The following SLC1A2 variants were observed in gnomAD, a reference collection of about 807,000 sequenced individuals.
The protein encoded by SLC1A2 is excitatory amino acid transporter 2.
Under a neutral mutation model 48.8 loss-of-function variants are expected in SLC1A2, and 15 were observed. The observed-to-expected ratio is 0.31, with a 90% CI of 0.21 to 0.47. The LOEUF is 0.47. Among genes scored for constraint, SLC1A2 ranks in the 20% least tolerant of loss-of-function variants. The pLI is 0.99. For missense variants in SLC1A2, 502 were observed against 730.5 expected, an observed-to-expected ratio of 0.69 and a Z score of 3.61; for synonymous variants, 279 against 272.6, an observed-to-expected ratio of 1.02 and a Z score of -0.23.
intron 1 of SLC1A2, among the ~76,000 whole-genome samples, chr11:35,322,137 G>A (rs114170115): frequency 0.013 from 1,982 of 152,144 alleles, 44 homozygotes; most frequent in African/African-American, 0.046. Flanking sequence ...TTCAGCCTTA[G>A]CCTCTCCATT....
chr11:35,350,496 C>G (rs1407643843), intron 1 of SLC1A2, among the ~76,000 whole-genome samples: 1 of 152,208 alleles, frequency 6.6e-6, no homozygotes, highest in Non-Finnish European at 1.5e-5. Context: ...GGTTGTGAAT[C>G]TTGCCCAAGG....
chr11:35,280,002 C>T (rs1369250909), intron 9 of SLC1A2, among the ~76,000 whole-genome samples: 1 of 152,090 alleles, frequency 6.6e-6, no homozygotes, highest in African/African-American at 2.4e-5. Context: ...CAAAACGTAC[C>T]CATTTTAAGT....
At chr11:35,298,682 A>G (rs1851245262) in intron 6 of SLC1A2, 1 of 151,698 alleles carries the variant, frequency 6.6e-6, no homozygotes, top group South Asian at 2.1e-4. Context: ...CAAGATGATA[A>G]TAAGTATTTA....
intron 6 of SLC1A2, among the ~76,000 whole-genome samples, chr11:35,300,152 G>T (rs1203355201): frequency 1.3e-5 from 2 of 152,182 alleles, no homozygotes; most frequent in South Asian, 4.1e-4. Flanking sequence ...AAATAAAGGG[G>T]AAACAATATT....
intron 1 of SLC1A2, among the ~76,000 whole-genome samples, chr11:35,400,668 T>C (rs1855107575): frequency 6.6e-6 from 1 of 152,162 alleles, no homozygotes; most frequent in South Asian, 2.1e-4. Context: ...GAAAAATCAA[T>C]CCCATGAAAA....
chr11:35,322,206 C>T (rs1478811857), intron 1 of SLC1A2, among the ~76,000 whole-genome samples: 2 of 152,132 alleles, frequency 1.3e-5, no homozygotes, highest in Non-Finnish European at 2.9e-5. Context: ...TCATGCAAAT[C>T]CACGTGAGTC....
chr11:35,387,812 A>C (rs1321912605), intron 1 of SLC1A2, among the ~76,000 whole-genome samples: 1 of 145,688 alleles, frequency 6.9e-6, no homozygotes, highest in Non-Finnish European at 1.5e-5. Flanking sequence ...AGGAGGAGGA[A>C]GTGACAAAAA....
chr11:35,284,799 A>G (rs1296416022), intron 8 of SLC1A2, among the ~76,000 whole-genome samples: 3 of 152,230 alleles, frequency 2.0e-5, no homozygotes, highest in Non-Finnish European at 4.4e-5. Flanking sequence ...TAGAACACAT[A>G]GAGGACATGA....
In SLC1A2 at chr11:35,254,628, C is replaced by A. The variant is rs1950289090; in HGVS notation, c.*6266G>T. ...GGCTCCGACTGCAACATCTCCATCT[C>A]CAGTGAGGATGATGACAAGGCTAAC... On this transcript the variant is annotated 3_prime_UTR_variant, in exon 11 of 11. Coordinates refer to ENST00000278379, the MANE Select transcript of SLC1A2 (RefSeq NM_004171.4). 3 of 338,814 alleles carry A rather than the reference C, an allele frequency of 8.9e-6. No individual in the cohort carries two copies. The highest frequency in any genetic ancestry group is 6.8e-5 in the South Asian group (3 of 44,182). 21.0% of individuals were successfully genotyped at this position (338,814 alleles called of 1,614,324 possible).
chr11:35,339,423 A>C (rs1197458425), intron 1 of SLC1A2, among the ~76,000 whole-genome samples: 2 of 152,192 alleles, frequency 1.3e-5, no homozygotes, highest in African/African-American at 4.8e-5. Context: ...AGACTCCAGA[A>C]GGAAACATGC....
At chr11:35,272,611 C>T (rs977468941) in intron 9 of SLC1A2, among the ~76,000 whole-genome samples, 7 of 152,354 alleles carry the variant, frequency 4.6e-5, no homozygotes, top group African/African-American at 1.7e-4. Context: ...AAAGTTTCTT[C>T]ACAGGCAGAG....
chr11:35,345,700 C>T (rs961513123), intron 1 of SLC1A2, among the ~76,000 whole-genome samples: 1 of 152,138 alleles, frequency 6.6e-6, no homozygotes, highest in African/African-American at 2.4e-5. Flanking sequence ...GACTCTTTCC[C>T]TGTCTCTTAA....
At chr11:35,299,225 G>A (rs889735222) in intron 6 of SLC1A2, 1 of 152,186 alleles carries the variant, frequency 6.6e-6, no homozygotes, top group East Asian at 1.9e-4. Flanking sequence ...TGTAATCCCA[G>A]CTACTTGGAA....
At chr11:35,349,622 T>C (rs926594499) in intron 1 of SLC1A2, among the ~76,000 whole-genome samples, 2 of 152,218 alleles carry the variant, frequency 1.3e-5, no homozygotes, top group African/African-American at 4.8e-5. Context: ...GAGAAAGCTC[T>C]ACTCTCTCCC....
chr11:35,284,088 TA>T (rs1259484998), intron 8 of SLC1A2, among the ~76,000 whole-genome samples: 29 of 27,198 alleles, frequency 1.1e-3, no homozygotes, highest in African/African-American at 1.3e-3. Context: ...AAGATTTTAT[TA>T]TATATATATA....
rs77287337 is a variant in SLC1A2 at position 35,358,981 on chromosome 11, C to T, written c.18-41465G>A. On this transcript the variant is annotated intron_variant, in intron 1 of 10. Coordinates refer to ENST00000278379, the MANE Select transcript of SLC1A2 (RefSeq NM_004171.4). Reference sequence around the variant, plus strand: ...ATGCCTTTAGTACTATTAAAAAATACCTTTTTCACCACAAAAGCCAGACCT... The same window carrying T: ...ATGCCTTTAGTACTATTAAAAAATATCTTTTTCACCACAAAAGCCAGACCT... Among the ~76,000 whole-genome samples, 1,027 of 152,232 alleles carry T rather than the reference C, an allele frequency of 6.7e-3. 4 individuals carry two copies. The highest frequency in any genetic ancestry group is 0.011 in the Non-Finnish European group (782 of 68,016).
intron 1 of SLC1A2, among the ~76,000 whole-genome samples, chr11:35,341,299 C>T (rs181775841): frequency 1.2e-4 from 18 of 152,118 alleles, no homozygotes; most frequent in African/African-American, 4.3e-4. Context: ...GCGCACCTTA[C>T]CAACAAGTAT....
At chr11:35,269,058 C>A (rs1359342955) in intron 9 of SLC1A2, among the ~76,000 whole-genome samples, 1 of 152,144 alleles carries the variant, frequency 6.6e-6, no homozygotes, top group African/African-American at 2.4e-5. Flanking sequence ...GGAGATGGGA[C>A]CATTGGGAGG....
intron 9 of SLC1A2, among the ~76,000 whole-genome samples, chr11:35,271,552 C>T (rs1399266670): frequency 6.6e-6 from 1 of 152,146 alleles, no homozygotes; most frequent in African/African-American, 2.4e-5. Context: ...TGGCAAACAA[C>T]CCTAATTATT....
Sources: gnomAD v4.1 joint callset for allele counts (sites outside exome capture counted in the v4.1 genomes callset) on GRCh38, gnomAD v4.1.1 for gene constraint, MANE v1.5 for transcripts, NCBI Gene and HGNC (gene_info 2026-07-23, HGNC 2026-07-21) for gene names.